Variants in PLD5 observed in about 807,000 individuals in gnomAD.
PLD5 encodes the protein inactive phospholipase D5.
Under a neutral mutation model 61.1 loss-of-function variants are expected in PLD5, and 36 were observed. That is an observed-to-expected ratio of 0.59 (90% CI 0.45 to 0.78). The LOEUF is 0.78. PLD5 is among the 30% of genes least tolerant of loss of function. PLD5 has a pLI of 0.00. For synonymous variants in PLD5, 243 were observed against 242.8 expected (o/e 1.00, Z -0.01); for missense variants, 515 against 644.4 (o/e 0.80, Z 2.17).
intron 5 of PLD5, among the ~76,000 whole-genome samples, chr1:242,170,022 C>T (rs1042457573): frequency 3.3e-5 from 5 of 152,224 alleles, no homozygotes; most frequent in South Asian, 2.1e-4. Flanking sequence ...CAGACTTAAA[C>T]GCCCCTGCCC....
At chr1:242,446,831 G>T (rs1666561895) in intron 1 of PLD5, among the ~76,000 whole-genome samples, 1 of 152,154 alleles carries the variant, frequency 6.6e-6, no homozygotes, top group Non-Finnish European at 1.5e-5. Flanking sequence ...TTGTTGTCAG[G>T]CACCCATCTA....
At chr1:242,476,640 T>C (rs1329891624) in intron 1 of PLD5, among the ~76,000 whole-genome samples, 1 of 152,162 alleles carries the variant, frequency 6.6e-6, no homozygotes, top group Non-Finnish European at 1.5e-5. Flanking sequence ...CTCAAAACAC[T>C]TCCATAAATG....
At chr1:242,429,943 G>GCCC (rs35298625) in intron 1 of PLD5, among the ~76,000 whole-genome samples, 51,203 of 151,884 alleles carry the variant, frequency 0.34, 8,981 homozygotes, top group Middle Eastern at 0.47. Flanking sequence ...GCCAACTCAT[G>GCCC]CCCCAACACA....
intron 2 of PLD5, among the ~76,000 whole-genome samples, chr1:242,308,834 A>G (rs1392519393): frequency 2.6e-5 from 4 of 152,184 alleles, no homozygotes; most frequent in African/African-American, 9.7e-5. Context: ...AAATAAAAGA[A>G]TCACTCTCAT....
intron 3 of PLD5, among the ~76,000 whole-genome samples, chr1:242,267,447 G>A (rs767707146): frequency 1.4e-4 from 21 of 152,156 alleles, no homozygotes; most frequent in Non-Finnish European, 2.2e-4. Context: ...TTAAACAAGC[G>A]TAGAAATAAA....
rs748346610 is a variant in PLD5, at chr1:242,090,041, T to C, written c.1424A>G (p.Asp475Gly). ...AATGATGCTTCTGTTGTTCCTCACA[T>C]CTGCCTGGTTGATAACAAGGCCCGT... ...AGTGLVINQA[D>G]VRNNRSIIKQ... Residue 475 changes from aspartate (D) to glycine (G), a missense_variant, in exon 10 of 10, where the codon GAT (aspartate) becomes GGT (glycine). Around this residue, in one of 2 missense-constraint regions of PLD5, gnomAD observed 450 missense variants for 598.1 expected, o/e 0.75. Coordinates refer to ENST00000536534, the MANE Select transcript of PLD5 (RefSeq NM_001372062.1). 6.2e-7 allele frequency: 1 copy of C among 1,614,232 alleles called. No individual in the cohort carries two copies. Among genetic ancestry groups the C allele is most frequent in the Non-Finnish European group, 8.5e-7 (1 of 1,180,046 alleles).
intron 1 of PLD5, among the ~76,000 whole-genome samples, chr1:242,473,913 G>A (rs1347864369): frequency 6.6e-6 from 1 of 152,076 alleles, no homozygotes; most frequent in East Asian, 1.9e-4. Context: ...AGTTTCAACT[G>A]TTCAATGGGA....
At chr1:242,332,242 T>C (rs1479439662) in intron 2 of PLD5, among the ~76,000 whole-genome samples, 7 of 152,176 alleles carry the variant, frequency 4.6e-5, no homozygotes, top group Non-Finnish European at 1.0e-4. Context: ...CTGCATAGTA[T>C]TTCATGGTGT....
At chr1:242,165,490 T>C (rs1236048448) in intron 5 of PLD5, among the ~76,000 whole-genome samples, 2 of 148,312 alleles carry the variant, frequency 1.3e-5, no homozygotes, top group East Asian at 3.9e-4. Context: ...CAGTGGGATG[T>C]AAAATATAGA....
At chr1:242,232,981 C>T (rs1671402709) in intron 4 of PLD5, among the ~76,000 whole-genome samples, 1 of 152,062 alleles carries the variant, frequency 6.6e-6, no homozygotes. Context: ...ATGGCAAAAC[C>T]CCGTCTCTAC....
At chr1:242,381,371 AAC>A (rs1404945184) in intron 1 of PLD5, among the ~76,000 whole-genome samples, 1 of 152,128 alleles carries the variant, frequency 6.6e-6, no homozygotes, top group Non-Finnish European at 1.5e-5. Flanking sequence ...GGAGGGAAAC[AAC>A]ACACACTAGG....
chr1:242,241,910 T>TATATATATATATAC (rs1210639780), intron 4 of PLD5, among the ~76,000 whole-genome samples: 10 of 50,398 alleles, frequency 2.0e-4, no homozygotes, highest in Non-Finnish European at 3.4e-4. Flanking sequence ...TATATATATA[T>TATATATATATATAC]ACTTACTGTA....
At chr1:242,332,994 A>AAG (rs1659279695) in intron 2 of PLD5, among the ~76,000 whole-genome samples, 2 of 152,196 alleles carry the variant, frequency 1.3e-5, no homozygotes, top group Admixed American at 6.5e-5. Flanking sequence ...GGTGAAACCC[A>AAG]AGAGAGAGAG....
chr1:242,112,901 T>G (rs1661640118), intron 7 of PLD5, among the ~76,000 whole-genome samples: 1 of 152,194 alleles, frequency 6.6e-6, no homozygotes, highest in African/African-American at 2.4e-5. Context: ...GGCCACGCAT[T>G]TATGCATGCA....
intron 2 of PLD5, among the ~76,000 whole-genome samples, chr1:242,290,410 G>A (rs997606397): frequency 1.3e-5 from 2 of 152,078 alleles, no homozygotes; most frequent in Admixed American, 6.6e-5. Flanking sequence ...GCCAAGGGGA[G>A]CGTGAAGTAG....
rs1664703912 is a variant in PLD5, at chr1:242,414,196, AG to A, written c.190-65955del. Among the ~76,000 whole-genome samples the A allele has an allele frequency of 2.0e-5, 3 of 152,358 alleles. No individual in the cohort carries two copies. In the South Asian group the frequency reaches 6.2e-4, roughly 32 times the overall value. On this transcript the variant is annotated intron_variant, in intron 1 of 9. Coordinates refer to ENST00000536534, the MANE Select transcript of PLD5 (RefSeq NM_001372062.1). ...TGTGCTGATTAAGTATGAGAAATAAAGGGAGTTAAGACTGACAATAAAATAA... is the reference window on the plus strand; with the variant it reads ...TGTGCTGATTAAGTATGAGAAATAAAGGAGTTAAGACTGACAATAAAATAA...
At chr1:242,286,983 A>T (rs1358988323) in intron 3 of PLD5, among the ~76,000 whole-genome samples, 2 of 152,164 alleles carry the variant, frequency 1.3e-5, no homozygotes, top group African/African-American at 4.8e-5. Context: ...ATGGCCACCA[A>T]TAATCCTCAT....
intron 2 of PLD5, among the ~76,000 whole-genome samples, chr1:242,298,693 A>T (rs893360230): frequency 1.3e-4 from 20 of 152,194 alleles, no homozygotes; most frequent in Non-Finnish European, 2.1e-4. Flanking sequence ...GAAGGGGGGA[A>T]GGTGCAAGTG....
intron 5 of PLD5, among the ~76,000 whole-genome samples, chr1:242,124,987 G>C (rs1040133869): frequency 6.6e-6 from 1 of 151,746 alleles, no homozygotes; most frequent in Non-Finnish European, 1.5e-5. Context: ...ATTCAATCAG[G>C]TGGCAAGAAA....
Sources: gnomAD v4.1 joint callset for allele counts (sites outside exome capture counted in the v4.1 genomes callset) on GRCh38, gnomAD v4.1.1 for gene constraint, gnomAD v4.1.1 regional missense constraint, MANE v1.5 for transcripts, NCBI Gene and HGNC (gene_info 2026-07-23, HGNC 2026-07-21) for gene names.